The following ANK1 variants were observed in gnomAD, a reference collection of about 807,000 sequenced individuals.
ANK1 encodes ankyrin-1.
In ANK1, 51 loss-of-function variants were observed where a neutral mutation model predicts 210.4. The observed-to-expected ratio is 0.24, with a 90% CI of 0.19 to 0.31. ANK1 has a LOEUF of 0.31. Ranked by LOEUF, ANK1 falls within the 10% of genes least tolerant of loss-of-function variation. The pLI is 1.00. For synonymous variants in ANK1, 967 were observed against 1,025.9 expected (o/e 0.94, Z 1.10); for missense variants, 2,051 against 2,504.4 (o/e 0.82, Z 3.86).
intron 1 of ANK1, among the ~76,000 whole-genome samples, chr8:41,785,808 G>A (rs1846233201): frequency 6.6e-6 from 1 of 152,164 alleles, no homozygotes; most frequent in African/African-American, 2.4e-5. Context: ...GCCGTCCATT[G>A]CTCCTCGGTG....
chr8:41,885,226 T>C (rs1263082064), intron 1 of ANK1, among the ~76,000 whole-genome samples: 3 of 152,148 alleles, frequency 2.0e-5, no homozygotes, highest in Non-Finnish European at 4.4e-5. Context: ...TGGTGCTCGG[T>C]ACAGAATCAT....
At chr8:41,686,639 A>T (rs1817739840) in intron 35 of ANK1, among the ~76,000 whole-genome samples, 1 of 152,208 alleles carries the variant, frequency 6.6e-6, no homozygotes, top group Non-Finnish European at 1.5e-5. Context: ...AGAGCCAGCA[A>T]GTCCCTGAGC....
At chr8:41,856,213 A>C (rs1336680527) in intron 1 of ANK1, among the ~76,000 whole-genome samples, 1 of 152,154 alleles carries the variant, frequency 6.6e-6, no homozygotes, top group Non-Finnish European at 1.5e-5. Context: ...ATTTCAAGAG[A>C]ACTTCTTGAG....
At chr8:41,761,365 CTG>C (rs1352431283) in intron 1 of ANK1, among the ~76,000 whole-genome samples, 9 of 58,804 alleles carry the variant, frequency 1.5e-4, no homozygotes, top group East Asian at 1.7e-3. Flanking sequence ...ATACAGAGAC[CTG>C]TGTGCACACA....
At chr8:41,797,719 G>T, upstream of ANK1, 3 of 902,948 alleles carry the variant, frequency 3.3e-6, no homozygotes, top group South Asian at 2.2e-5. The surrounding 1 kb of genome is among the most constrained non-coding windows in gnomAD (Gnocchi z 4.0). Context: ...GGCGGGCGGA[G>T]GGGTGGCGCC....
intron 33 of ANK1, among the ~76,000 whole-genome samples, 194 bp from the exon 34 acceptor site, chr8:41,688,783 C>T (rs1818408187): frequency 6.6e-6 from 1 of 152,172 alleles, no homozygotes; most frequent in African/African-American, 2.4e-5. Flanking sequence ...TGAAGAAGCG[C>T]ACATGCGTTA....
At chr8:41,740,303 G>A (rs1834456236) in intron 2 of ANK1, among the ~76,000 whole-genome samples, 1 of 151,990 alleles carries the variant, frequency 6.6e-6, no homozygotes, top group African/African-American at 2.4e-5. Flanking sequence ...TGGGATTACA[G>A]GCGTCTGCCA....
At chr8:41,681,725 C>A (rs1052434393) in intron 37 of ANK1, among the ~76,000 whole-genome samples, 1 of 152,052 alleles carries the variant, frequency 6.6e-6, no homozygotes, top group Non-Finnish European at 1.5e-5. Context: ...AGCTGCAGAG[C>A]CTGTAGTGCC....
At chr8:41,682,005 C>T (rs1816210509) in intron 37 of ANK1, among the ~76,000 whole-genome samples, 2 of 152,196 alleles carry the variant, frequency 1.3e-5, no homozygotes, top group African/African-American at 4.8e-5. Flanking sequence ...CATCTGAAAT[C>T]AACTACTCGG....
chr8:41,765,818 T>C (rs1340825286), intron 1 of ANK1, among the ~76,000 whole-genome samples: 5 of 152,104 alleles, frequency 3.3e-5, no homozygotes, highest in Non-Finnish European at 5.9e-5. Context: ...GGGGCTCCAG[T>C]ATCCTGAGAG....
At chr8:41,730,451 CTTT>C (rs551939515) in intron 3 of ANK1, among the ~76,000 whole-genome samples, 2 of 142,108 alleles carry the variant, frequency 1.4e-5, no homozygotes, top group Non-Finnish European at 1.5e-5. Flanking sequence ...TCTTTTCTTT[CTTT>C]TTTTTTTTTT....
At chr8:41,803,847 A>G (rs1174068377) in intron 1 of ANK1, among the ~76,000 whole-genome samples, 1 of 152,110 alleles carries the variant, frequency 6.6e-6, no homozygotes, top group Non-Finnish European at 1.5e-5. Flanking sequence ...ATGCTAAACT[A>G]TCCTTCCATT....
At chr8:41,860,398 G>A (rs935487503) in intron 1 of ANK1, among the ~76,000 whole-genome samples, 11 of 152,284 alleles carry the variant, frequency 7.2e-5, no homozygotes, top group East Asian at 5.8e-4. Flanking sequence ...CCCACAATGC[G>A]GAGCAGTCAA....
At chr8:41,659,479 C>G (rs998337383) in intron 42 of ANK1, among the ~76,000 whole-genome samples, 4 of 152,124 alleles carry the variant, frequency 2.6e-5, no homozygotes, top group Admixed American at 2.0e-4. Flanking sequence ...AGCGAGTGGA[C>G]GAATTCGCAA....
chr8:41,687,422 A>G (rs1008540014), intron 35 of ANK1, among the ~76,000 whole-genome samples: 11 of 152,338 alleles, frequency 7.2e-5, no homozygotes, highest in African/African-American at 2.6e-4. Flanking sequence ...CAGATTCCCA[A>G]TTCCAGCAAC....
At chr8:41,762,250 A>G (rs115541680) in intron 1 of ANK1, among the ~76,000 whole-genome samples, 1,661 of 152,136 alleles carry the variant, frequency 0.011, 38 homozygotes, top group African/African-American at 0.038. Flanking sequence ...CTGGTTTGCT[A>G]CTTCCAATCT....
intron 37 of ANK1, among the ~76,000 whole-genome samples, chr8:41,683,262 C>T (rs566067943): frequency 3.3e-5 from 5 of 152,066 alleles, no homozygotes; most frequent in African/African-American, 7.2e-5. Context: ...AGCACGATAG[C>T]GTGAGTGCAC....
chr8:41,841,996 C>T lies in ANK1; in HGVS notation c.126+54359G>A, dbSNP rs140791513. ...GGCATCGTGTGTTCAAACCCACACA[C>T]TTATCTGGACAAGGATGAGAGAAGC... On this transcript the variant is annotated intron_variant, in intron 1 of 42. Transcript: ENST00000265709. 2.8e-3 allele frequency among the ~76,000 whole-genome samples: 430 copies of T among 152,338 alleles called. 1 individual carries two copies. The highest frequency in any genetic ancestry group is 9.9e-3 in the African/African-American group (413 of 41,564).
chr8:41,663,856 C>A (rs1809406381), intron 39 of ANK1, 114 bp from the exon 40 acceptor site: 7 of 852,564 alleles, frequency 8.2e-6, no homozygotes, highest in Non-Finnish European at 1.4e-5. Context: ...CCCAATAACT[C>A]CCCCAGCAGG....
Sources: allele counts gnomAD v4.1 joint callset (sites outside exome capture counted in the v4.1 genomes callset), GRCh38; gene constraint gnomAD v4.1.1; non-coding constraint Gnocchi (gnomAD v3.1); transcripts MANE v1.5; gene names NCBI Gene and HGNC (gene_info 2026-07-23, HGNC 2026-07-21).